Variants in CADM2 observed in about 807,000 individuals in gnomAD.
CADM2 encodes immunoglobulin superfamily member 4D.
In CADM2, 12 loss-of-function variants were observed where a neutral mutation model predicts 49.8. That is an observed-to-expected ratio of 0.24 (90% CI 0.15 to 0.39). CADM2 has a LOEUF of 0.39. Among genes scored for constraint, CADM2 ranks in the 10% least tolerant of loss-of-function variants. The pLI, the probability that CADM2 is intolerant of heterozygous loss-of-function variation, is 1.00. For synonymous variants in CADM2, 214 were observed against 175.4 expected, an observed-to-expected ratio of 1.22 and a Z score of -1.74; for missense variants, 378 against 492.3, an observed-to-expected ratio of 0.77 and a Z score of 2.20.
chr3:85,065,945 G>A (rs2036513030), intron 1 of CADM2, among the ~76,000 whole-genome samples: 2 of 152,076 alleles, frequency 1.3e-5, no homozygotes, highest in African/African-American at 4.8e-5. Context: ...GTGAATCTAG[G>A]GAGTTGGTAA....
intron 1 of CADM2, among the ~76,000 whole-genome samples, chr3:85,348,523 T>G (rs1005409531): frequency 5.3e-5 from 8 of 152,204 alleles, no homozygotes; most frequent in Non-Finnish European, 1.0e-4. Context: ...AGTAGTACAG[T>G]TCCTTTCCAA....
At chr3:85,394,255 A>G (rs2107409210) in intron 1 of CADM2, among the ~76,000 whole-genome samples, 1 of 152,310 alleles carries the variant, frequency 6.6e-6, no homozygotes, top group South Asian at 2.1e-4. Context: ...ATAAATTACT[A>G]CATTTTTGAG....
chr3:85,278,359 C>T (rs2043410798), intron 1 of CADM2, among the ~76,000 whole-genome samples: 1 of 151,294 alleles, frequency 6.6e-6, no homozygotes, highest in Admixed American at 6.6e-5. Context: ...TTTTGTTTGT[C>T]TCTTAGCCGT....
chr3:85,949,803 T>A (rs1427219115), intron 7 of CADM2, among the ~76,000 whole-genome samples: 1 of 150,964 alleles, frequency 6.6e-6, no homozygotes, highest in African/African-American at 2.4e-5. Context: ...CAATACTAGA[T>A]CTTATAAGGT....
chr3:85,554,595 G>A (rs947573733), intron 1 of CADM2, among the ~76,000 whole-genome samples: 21 of 152,156 alleles, frequency 1.4e-4, no homozygotes, highest in African/African-American at 4.8e-4. Context: ...CTGCTAAAAT[G>A]TGCATCTGAA....
chr3:85,963,667 A>G (rs1196782013), intron 8 of CADM2, among the ~76,000 whole-genome samples: 2 of 151,890 alleles, frequency 1.3e-5, no homozygotes, highest in African/African-American at 2.4e-5. Context: ...ACCTAAATGA[A>G]AAGTATATCA....
At position 85,899,961 on chromosome 3, in the gene CADM2, A is replaced by C. The variant is rs542185568; in HGVS notation, c.530-12412A>C. 5.3e-5 allele frequency among the ~76,000 whole-genome samples: 8 copies of C among 152,178 alleles called. No individual in the cohort carries two copies. In the South Asian group the frequency reaches 1.7e-3, roughly 32 times the overall value. On this transcript the variant is annotated intron_variant, in intron 5 of 9. Coordinates refer to ENST00000383699, the MANE Select transcript of CADM2 (RefSeq NM_001167675.2). Reference sequence around the variant, plus strand: ...TTTGTCCATCTCTCTTCTTCTCGGTACTCTGCTCTGCAAACTGATTTTGCC... The same window carrying C: ...TTTGTCCATCTCTCTTCTTCTCGGTCCTCTGCTCTGCAAACTGATTTTGCC...
chr3:85,217,305 T>C (rs1035720568), intron 1 of CADM2, among the ~76,000 whole-genome samples: 2 of 151,834 alleles, frequency 1.3e-5, no homozygotes, highest in Non-Finnish European at 2.9e-5. Flanking sequence ...GCAAATTTGA[T>C]TAATTTAGGG....
intron 1 of CADM2, among the ~76,000 whole-genome samples, chr3:85,050,260 C>A (rs542931381): frequency 2.6e-5 from 4 of 152,044 alleles, no homozygotes; most frequent in African/African-American, 7.2e-5. Flanking sequence ...GCCTTAGAAC[C>A]CAGGAGTAAA....
At chr3:84,984,265 C>T (rs2032406302) in intron 1 of CADM2, among the ~76,000 whole-genome samples, 1 of 146,632 alleles carries the variant, frequency 6.8e-6, no homozygotes, top group South Asian at 2.2e-4. Context: ...AACTCATTAG[C>T]TTTTCCAGTC....
intron 1 of CADM2, among the ~76,000 whole-genome samples, chr3:85,703,147 CA>C (rs893774238): frequency 6.6e-6 from 1 of 152,012 alleles, no homozygotes; most frequent in African/African-American, 2.4e-5. Flanking sequence ...TACTTACTGT[CA>C]AAAATGTGAT....
At chr3:86,023,473 C>A (rs962432338) in intron 8 of CADM2, among the ~76,000 whole-genome samples, 34 of 152,136 alleles carry the variant, frequency 2.2e-4, no homozygotes, top group Admixed American at 4.6e-4. Context: ...ATTTTCCTGT[C>A]TTGGCCTCCT....
At chr3:85,550,798 G>A (rs1352724853) in intron 1 of CADM2, among the ~76,000 whole-genome samples, 2 of 151,898 alleles carry the variant, frequency 1.3e-5, no homozygotes, top group African/African-American at 4.8e-5. Flanking sequence ...GTCTCACCTT[G>A]AACTAGGCTC....
intron 1 of CADM2, among the ~76,000 whole-genome samples, chr3:85,719,197 A>G (rs183801295): frequency 6.6e-6 from 1 of 152,270 alleles, no homozygotes; most frequent in Admixed American, 6.5e-5. Context: ...TTTGTGTTGC[A>G]CATATTGTAA....
intron 1 of CADM2, among the ~76,000 whole-genome samples, chr3:85,598,501 T>G (rs2063307250): frequency 6.6e-6 from 1 of 152,140 alleles, no homozygotes; most frequent in African/African-American, 2.4e-5. Context: ...TGTTCCAATA[T>G]TCTACGTATG....
chr3:85,269,058 A>T (rs1378295116), intron 1 of CADM2, among the ~76,000 whole-genome samples: 1 of 151,430 alleles, frequency 6.6e-6, no homozygotes, highest in Admixed American at 6.6e-5. Flanking sequence ...AATGTACTAA[A>T]ATAAAATAAA....
At chr3:85,244,760 A>T (rs1255388006) in intron 1 of CADM2, among the ~76,000 whole-genome samples, 1 of 152,146 alleles carries the variant, frequency 6.6e-6, no homozygotes, top group African/African-American at 2.4e-5. Context: ...CTGTTGAATA[A>T]GTCCTTCACT....
At chr3:85,374,158 C>G (rs951248626) in intron 1 of CADM2, among the ~76,000 whole-genome samples, 3 of 152,064 alleles carry the variant, frequency 2.0e-5, no homozygotes, top group African/African-American at 7.2e-5. Flanking sequence ...AGTTCCAATA[C>G]CAAACCATAT....
chr3:85,762,564 G>T (rs1193928737), intron 2 of CADM2, among the ~76,000 whole-genome samples: 2 of 149,504 alleles, frequency 1.3e-5, no homozygotes, highest in African/African-American at 4.9e-5. Context: ...CATTGTTTTG[G>T]CAATTTACAG....
Sources: gnomAD v4.1 joint callset for allele counts (sites outside exome capture counted in the v4.1 genomes callset) on GRCh38, gnomAD v4.1.1 for gene constraint, MANE v1.5 for transcripts, NCBI Gene and HGNC (gene_info 2026-07-23, HGNC 2026-07-21) for gene names.